The following CDH10 variants were observed in gnomAD, a reference collection of about 807,000 sequenced individuals.
CDH10 encodes cadherin 10, also known as cadherin-10.
A neutral mutation model predicts 73.1 loss-of-function variants in CDH10; 30 were observed. That is an observed-to-expected ratio of 0.41 (90% confidence interval 0.31 to 0.56). The LOEUF (loss-of-function observed/expected upper bound fraction) is 0.56. Among genes scored for constraint, CDH10 ranks in the 20% least tolerant of loss-of-function variants. The pLI, the probability that CDH10 is intolerant of heterozygous loss-of-function variation, is 0.27. For synonymous variants in CDH10, 345 were observed against 348.2 expected (o/e 0.99, Z 0.10); for missense variants, 815 against 973.7 (o/e 0.84, Z 2.17).
intron 1 of CDH10, among the ~76,000 whole-genome samples, chr5:24,630,665 A>AT (rs914620920): frequency 2.6e-5 from 4 of 151,806 alleles, no homozygotes; most frequent in Non-Finnish European, 5.9e-5. Flanking sequence ...TAGAAACAAA[A>AT]TGAGAGAGAT....
At chr5:24,509,240 C>CTTTTTTTTTTTT (rs35903930) in intron 7 of CDH10, among the ~76,000 whole-genome samples, 2 of 85,326 alleles carry the variant, frequency 2.3e-5, no homozygotes, top group Non-Finnish European at 4.0e-5. Context: ...CTCCTTTTTC[C>CTTTTTTTTTTTT]TTTTTTTTTT....
chr5:24,548,878 G>A (rs2111942165), intron 2 of CDH10, among the ~76,000 whole-genome samples: 1 of 152,122 alleles, frequency 6.6e-6, no homozygotes, highest in South Asian at 2.1e-4. Context: ...GAGATAGAGA[G>A]AAACCATATT....
At chr5:24,528,219 T>A (rs1743601163) in intron 5 of CDH10, among the ~76,000 whole-genome samples, 2 of 151,864 alleles carry the variant, frequency 1.3e-5, no homozygotes, top group South Asian at 2.1e-4. Flanking sequence ...AGTAGGTTCA[T>A]TTTTTTTCTA....
At chr5:24,541,256 C>T (rs1195639418) in intron 2 of CDH10, among the ~76,000 whole-genome samples, 3 of 151,928 alleles carry the variant, frequency 2.0e-5, no homozygotes, top group Non-Finnish European at 4.4e-5. Flanking sequence ...CCTTCCTAAG[C>T]TTCCCATCTT....
At chr5:24,533,980 A>G (rs2111870631) in intron 5 of CDH10, among the ~76,000 whole-genome samples, 1 of 152,204 alleles carries the variant, frequency 6.6e-6, no homozygotes, top group Admixed American at 6.6e-5. Context: ...GAATTTTGAA[A>G]TCTTTCCAAA....
rs113385096 is a variant in CDH10, at chr5:24,594,432, A to ATT, written c.-123-821_-123-820dup. On this transcript the variant is annotated intron_variant, in intron 1 of 11. Coordinates refer to ENST00000264463, the MANE Select transcript of CDH10 (RefSeq NM_006727.5). ...ATTAAAATTTAAGTCAGATCATGTC[A>ATT]TTTTTTTTTCCACAAAACACTCCAG... Among the ~76,000 whole-genome samples the ATT allele has an allele frequency of 4.3e-4, 65 of 150,978 alleles. 1 individual carries two copies. Among genetic ancestry groups the ATT allele is most frequent in the African/African-American group, 1.5e-3 (60 of 41,142 alleles).
intron 11 of CDH10, among the ~76,000 whole-genome samples, chr5:24,489,273 T>C (rs1435833851): frequency 6.6e-6 from 1 of 152,124 alleles, no homozygotes; most frequent in Non-Finnish European, 1.5e-5. Flanking sequence ...TTATGTTTTC[T>C]TTTTTATTAA....
At chr5:24,624,790 C>G (rs1747437493) in intron 1 of CDH10, among the ~76,000 whole-genome samples, 1 of 152,124 alleles carries the variant, frequency 6.6e-6, no homozygotes, top group South Asian at 2.1e-4. Context: ...TCCTTTCTAT[C>G]ATTAGCTTCT....
At chr5:24,516,155 T>C (rs560784892) in intron 5 of CDH10, among the ~76,000 whole-genome samples, 55 of 152,322 alleles carry the variant, frequency 3.6e-4, no homozygotes, top group African/African-American at 1.3e-3. Flanking sequence ...GTCTGGTATG[T>C]TCTTGTCATT....
chr5:24,495,050 A>T (rs1257237078), intron 9 of CDH10, among the ~76,000 whole-genome samples: 2 of 152,040 alleles, frequency 1.3e-5, no homozygotes, highest in African/African-American at 2.4e-5. Flanking sequence ...TTTCAACCAT[A>T]TATTAAAAAT....
At chr5:24,568,164 T>C (rs530302320) in intron 2 of CDH10, among the ~76,000 whole-genome samples, 1 of 152,118 alleles carries the variant, frequency 6.6e-6, no homozygotes, top group East Asian at 1.9e-4. Context: ...AGTCTTGTTA[T>C]AAACAAAAAA....
intron 1 of CDH10, among the ~76,000 whole-genome samples, chr5:24,638,096 G>C (rs1304647096): frequency 6.6e-6 from 1 of 151,218 alleles, no homozygotes; most frequent in Non-Finnish European, 1.5e-5. Context: ...TCCAAGGGGA[G>C]AAAAAAAATT....
chr5:24,495,856 C>CAAAAA (rs59901498), intron 9 of CDH10, among the ~76,000 whole-genome samples: 1 of 120,932 alleles, frequency 8.3e-6, no homozygotes, highest in Admixed American at 8.5e-5. Flanking sequence ...CTTCCTCAAA[C>CAAAAA]AAAAAAAAAA....
chr5:24,544,699 G>A (rs1213183989), intron 2 of CDH10, among the ~76,000 whole-genome samples: 1 of 152,132 alleles, frequency 6.6e-6, no homozygotes, highest in Non-Finnish European at 1.5e-5. Context: ...GATGGTCCTG[G>A]AGATGTAGGA....
At chr5:24,588,785 A>C (rs1746101159) in intron 2 of CDH10, among the ~76,000 whole-genome samples, 1 of 152,198 alleles carries the variant, frequency 6.6e-6, no homozygotes, top group Admixed American at 6.5e-5. Flanking sequence ...AGAAATTTTC[A>C]ATTATAATTT....
In CDH10 at chr5:24,487,324, G is replaced by A. The variant is rs1461256136; in HGVS notation, c.*339C>T. On this transcript the variant is annotated 3_prime_UTR_variant, in exon 12 of 12. Transcript: ENST00000264463. ...ACCTTTTTAAAAGCTTCATTTGCAAGGGCAGGACATGTACCTAACAGAAGC... is the reference window on the plus strand; with the variant it reads ...ACCTTTTTAAAAGCTTCATTTGCAAAGGCAGGACATGTACCTAACAGAAGC... The A allele has an allele frequency of 9.7e-6, 2 of 205,358 alleles. No individual in the cohort carries two copies. The highest frequency in any genetic ancestry group is 2.0e-5 in the Non-Finnish European group (2 of 100,808). The allele number at this position is 205,358 out of a possible 1,614,324, so 12.7% of individuals were successfully genotyped here. A position where few individuals can be genotyped will look rare whatever the true frequency, so the allele number is the denominator to read the frequency against.
At chr5:24,582,477 G>C (rs2112059207) in intron 2 of CDH10, among the ~76,000 whole-genome samples, 1 of 152,174 alleles carries the variant, frequency 6.6e-6, no homozygotes, top group South Asian at 2.1e-4. Flanking sequence ...CTCTTGGAAG[G>C]AAAAATGGTG....
rs1414868641 is a variant in CDH10 at position 24,537,387 on chromosome 5, A to G, written c.519T>C (p.Ser173=). 1.9e-6 allele frequency: 3 copies of G among 1,607,560 alleles called. No homozygotes were observed. The highest frequency in any genetic ancestry group is 2.6e-6 in the Non-Finnish European group (3 of 1,176,466). Residue 173 remains serine (S), a synonymous_variant, in exon 3 of 12, where the codon TCT becomes TCC. Transcript: ENST00000264463. ...EIYTASVPEM[S]VVGTSVVQVT... ...CGCTGTAAATGAACTTACCTACAACAGACATTTCGGGAACACTAGCTGTAT... is the reference window on the plus strand; with the variant it reads ...CGCTGTAAATGAACTTACCTACAACGGACATTTCGGGAACACTAGCTGTAT...
chr5:24,530,370 T>C (rs1423997695), intron 5 of CDH10, among the ~76,000 whole-genome samples: 1 of 152,036 alleles, frequency 6.6e-6, no homozygotes, highest in Non-Finnish European at 1.5e-5. Context: ...AGCCCTACAA[T>C]GATCAGGTTT....
Sources: allele counts gnomAD v4.1 joint callset (sites outside exome capture counted in the v4.1 genomes callset), GRCh38; gene constraint gnomAD v4.1.1; transcripts MANE v1.5; gene names NCBI Gene and HGNC (gene_info 2026-07-23, HGNC 2026-07-21).